Variants in PTPN4 observed in about 807,000 individuals in gnomAD.
The protein encoded by PTPN4 is protein tyrosine phosphatase non-receptor type 4, also known as tyrosine-protein phosphatase non-receptor type 4.
A neutral mutation model predicts 135.5 loss-of-function variants in PTPN4; 49 were observed. That is an observed-to-expected ratio of 0.36 (90% CI 0.29 to 0.46). The LOEUF is 0.46. PTPN4 is among the 20% of genes least tolerant of loss of function. The probability of loss-of-function intolerance (pLI) is 1.00; values close to 1 mark genes in which losing one functional copy is unlikely to be tolerated. For synonymous variants in PTPN4, 333 were observed against 369.9 expected, an observed-to-expected ratio of 0.90 and a Z score of 1.14; for missense variants, 860 against 1,101.0, an observed-to-expected ratio of 0.78 and a Z score of 3.10.
At chr2:119,944,409 G>C (rs1679104571) in intron 15 of PTPN4, among the ~76,000 whole-genome samples, 1 of 152,136 alleles carries the variant, frequency 6.6e-6, no homozygotes, top group Non-Finnish European at 1.5e-5. Flanking sequence ...TTTTATGCTT[G>C]TTAAAAGCTA....
chr2:119,957,763 T>G (rs909871868), intron 22 of PTPN4, among the ~76,000 whole-genome samples: 1 of 152,206 alleles, frequency 6.6e-6, no homozygotes, highest in Non-Finnish European at 1.5e-5. Flanking sequence ...GATGACAAAC[T>G]TGGTTTCACC....
chr2:119,792,840 C>G (rs367729384), intron 1 of PTPN4, among the ~76,000 whole-genome samples: 1 of 152,160 alleles, frequency 6.6e-6, no homozygotes, highest in East Asian at 1.9e-4. Context: ...GCCCCCTGAG[C>G]TGCAAAACCA....
intron 22 of PTPN4, among the ~76,000 whole-genome samples, chr2:119,958,950 T>A (rs1168762195): frequency 6.6e-6 from 1 of 151,804 alleles, no homozygotes; most frequent in Non-Finnish European, 1.5e-5. Context: ...AAATCACCAG[T>A]AAAAAAACCC....
intron 1 of PTPN4, among the ~76,000 whole-genome samples, chr2:119,770,528 A>G (rs1188364310): frequency 1.3e-5 from 2 of 152,206 alleles, no homozygotes; most frequent in African/African-American, 4.8e-5. Flanking sequence ...TTATGCAAAT[A>G]GAAACACATA....
chr2:119,868,291 C>T (rs994243989), intron 3 of PTPN4, among the ~76,000 whole-genome samples: 1 of 152,048 alleles, frequency 6.6e-6, no homozygotes, highest in South Asian at 2.1e-4. Flanking sequence ...AGTAGTATAT[C>T]CACTAGAATA....
intron 2 of PTPN4, among the ~76,000 whole-genome samples, chr2:119,821,112 T>A (rs893464884): frequency 1.4e-5 from 2 of 146,584 alleles, no homozygotes; most frequent in South Asian, 2.2e-4. Context: ...TTTTTTTTTT[T>A]TGAGACAAAG....
intron 2 of PTPN4, among the ~76,000 whole-genome samples, chr2:119,826,388 C>T (rs1046763870): frequency 6.6e-6 from 1 of 152,112 alleles, no homozygotes; most frequent in African/African-American, 2.4e-5. Flanking sequence ...TTAGCAAGAG[C>T]TTTTGAGCCC....
intron 1 of PTPN4, among the ~76,000 whole-genome samples, chr2:119,797,171 CT>C (rs1313737334): frequency 6.6e-6 from 1 of 152,124 alleles, no homozygotes; most frequent in African/African-American, 2.4e-5. Context: ...TTAACAGTGC[CT>C]TTTGAACAGC....
In PTPN4 at chr2:119,760,313, C is replaced by G. The variant is rs924386251; in HGVS notation, c.-89C>G. The stretch of plus-strand genomic sequence containing the variant: ...CCCCCGGAGCGGCACGGAGGACGCG[C>G]TTCTCCTCTGCGCGCCGGGGCCTCG... On this transcript the variant is annotated 5_prime_UTR_variant, in exon 1 of 27. Coordinates refer to ENST00000263708, the MANE Select transcript of PTPN4 (RefSeq NM_002830.4). The G allele has an allele frequency of 5.1e-6, 2 of 395,508 alleles. No homozygotes were observed. Among genetic ancestry groups the G allele is most frequent in the Non-Finnish European group, 8.9e-6 (2 of 224,148 alleles). The allele number at this position is 395,508 out of a possible 1,614,324, so 24.5% of individuals were successfully genotyped here.
intron 10 of PTPN4, among the ~76,000 whole-genome samples, chr2:119,908,638 C>A (rs1225473930): frequency 1.3e-5 from 2 of 151,992 alleles, no homozygotes; most frequent in Non-Finnish European, 1.5e-5. Flanking sequence ...AGAAATTAGA[C>A]CAATTAATAA....
intron 9 of PTPN4, among the ~76,000 whole-genome samples, chr2:119,898,540 C>G (rs931430021): frequency 6.6e-6 from 1 of 152,146 alleles, no homozygotes; most frequent in Non-Finnish European, 1.5e-5. Flanking sequence ...TTTTCAATGC[C>G]TACGAGGTAC....
chr2:119,773,824 A>T (rs1225057137), intron 1 of PTPN4, among the ~76,000 whole-genome samples: 1 of 152,152 alleles, frequency 6.6e-6, no homozygotes, highest in African/African-American at 2.4e-5. Context: ...ATCATTTACT[A>T]CCATAAAATA....
chr2:119,893,337 C>A (rs1326908049), intron 9 of PTPN4, among the ~76,000 whole-genome samples: 1 of 152,092 alleles, frequency 6.6e-6, no homozygotes, highest in Non-Finnish European at 1.5e-5. Flanking sequence ...TATTCCAAAG[C>A]TTTTGGCCTG....
At chr2:119,774,774 C>T (rs528487754) in intron 1 of PTPN4, among the ~76,000 whole-genome samples, 17 of 152,260 alleles carry the variant, frequency 1.1e-4, no homozygotes, top group Admixed American at 9.8e-4. Context: ...TGCCTATAAT[C>T]CCAGCACTTT....
intron 2 of PTPN4, among the ~76,000 whole-genome samples, chr2:119,811,234 C>CA (rs1277775714): frequency 3.3e-5 from 5 of 151,888 alleles, no homozygotes; most frequent in African/African-American, 4.8e-5. Flanking sequence ...TATAATAATA[C>CA]AAAAAATGAA....
chr2:119,803,059 T>C (rs1238051572), intron 1 of PTPN4, among the ~76,000 whole-genome samples: 1 of 152,210 alleles, frequency 6.6e-6, no homozygotes, highest in Non-Finnish European at 1.5e-5. Context: ...TTCCTAATGT[T>C]AGCAATTTGT....
intron 12 of PTPN4, among the ~76,000 whole-genome samples, chr2:119,923,324 A>G (rs1261531608): frequency 1.3e-5 from 2 of 152,194 alleles, no homozygotes; most frequent in Non-Finnish European, 2.9e-5. Flanking sequence ...CAGGACTATG[A>G]TCAGGCCACT....
chr2:119,891,516 G>T (rs1225772168), intron 9 of PTPN4, among the ~76,000 whole-genome samples: 1 of 151,978 alleles, frequency 6.6e-6, no homozygotes, highest in Non-Finnish European at 1.5e-5. Context: ...GTAGAGATGG[G>T]GTTTCACCAC....
chr2:119,775,190 G>A (rs576818519), intron 1 of PTPN4, among the ~76,000 whole-genome samples: 83 of 150,328 alleles, frequency 5.5e-4, no homozygotes, highest in Non-Finnish European at 1.0e-3. Context: ...GAAAAGATAG[G>A]CTAACTCCAC....
Sources: gnomAD v4.1 joint callset for allele counts (sites outside exome capture counted in the v4.1 genomes callset) on GRCh38, gnomAD v4.1.1 for gene constraint, MANE v1.5 for transcripts, NCBI Gene and HGNC (gene_info 2026-07-23, HGNC 2026-07-21) for gene names.